The following ZEB1 variants were observed in gnomAD, a reference collection of about 807,000 sequenced individuals.
ZEB1 encodes the protein zinc finger E-box binding homeobox 1.
A neutral mutation model predicts 84.9 loss-of-function variants in ZEB1; 21 were observed. The ratio of observed to expected loss-of-function variants is 0.25; its 90% confidence interval spans 0.18 to 0.36. The LOEUF (loss-of-function observed/expected upper bound fraction) is 0.36. Ranked by LOEUF, ZEB1 falls within the 10% of genes least tolerant of loss-of-function variation. The pLI, the probability that ZEB1 is intolerant of heterozygous loss-of-function variation, is 1.00. For synonymous variants in ZEB1, 420 were observed against 471.1 expected, an observed-to-expected ratio of 0.89 and a Z score of 1.41; for missense variants, 1,104 against 1,330.2, an observed-to-expected ratio of 0.83 and a Z score of 2.65.
chr10:31,518,826 G>T (rs1412755250), intron 6 of ZEB1, among the ~76,000 whole-genome samples: 1 of 152,132 alleles, frequency 6.6e-6, no homozygotes, highest in Non-Finnish European at 1.5e-5. Flanking sequence ...CATTGAAAAG[G>T]AGGCTGTACT....
At chr10:31,326,018 A>AT (rs1194852269) in intron 1 of ZEB1, among the ~76,000 whole-genome samples, 1 of 145,660 alleles carries the variant, frequency 6.9e-6, no homozygotes, top group African/African-American at 2.6e-5. Context: ...TAGTTTGCTG[A>AT]TGAAAAAAAC....
intron 1 of ZEB1, among the ~76,000 whole-genome samples, chr10:31,414,465 T>A (rs1471201763): frequency 2.0e-5 from 3 of 152,244 alleles, no homozygotes; most frequent in East Asian, 1.9e-4. Context: ...GCATAACAAA[T>A]GCATCACTAT....
rs1423866851 is a variant in ZEB1, at chr10:31,523,930, T to C, written c.2605-3T>C. On this transcript the variant is annotated splice_region_variant and splice_polypyrimidine_tract_variant and intron_variant, in intron 7 of 8. Transcript: ENST00000424869. ...ACATTTTCTCACACCTTTCTCCCTC[T>C]AGGATGAAAGACAAGATACTAGCTC... is the stretch of plus-strand genomic sequence containing the variant. 13 of 1,613,490 alleles carry C rather than the reference T, an allele frequency of 8.1e-6. No individual in the cohort carries two copies. The highest frequency in any genetic ancestry group is 1.1e-5 in the Non-Finnish European group (13 of 1,179,566).
intron 3 of ZEB1, among the ~76,000 whole-genome samples, chr10:31,497,056 T>C (rs965067177): frequency 2.6e-4 from 39 of 152,134 alleles, no homozygotes; most frequent in Non-Finnish European, 1.5e-4. Context: ...GCATGAATAA[T>C]GTATTCAGAT....
intron 1 of ZEB1, among the ~76,000 whole-genome samples, chr10:31,448,879 C>G (rs941657443): frequency 6.6e-6 from 1 of 152,212 alleles, no homozygotes; most frequent in Admixed American, 6.5e-5. Context: ...TGTCTGTGCC[C>G]TGTCCCCAGA....
chr10:31,397,077 A>G (rs529427188), intron 1 of ZEB1, among the ~76,000 whole-genome samples: 229 of 148,072 alleles, frequency 1.5e-3, no homozygotes, highest in African/African-American at 4.7e-3. Context: ...GTGCAGTGGC[A>G]TGATCTCGGC....
intron 5 of ZEB1, among the ~76,000 whole-genome samples, chr10:31,514,137 C>T (rs1468281965): frequency 2.0e-5 from 3 of 151,966 alleles, no homozygotes; most frequent in Non-Finnish European, 4.4e-5. Flanking sequence ...GGATAAAGTA[C>T]AGGAAAAATC....
At position 31,521,514 on chromosome 10, in the gene ZEB1, CAAG is replaced by C. The variant is rs753758915; in HGVS notation, c.2187_2189del (p.Glu730del). The C allele has an allele frequency of 6.2e-6, 10 of 1,614,072 alleles. No homozygotes were observed. In the South Asian group the frequency reaches 9.9e-5, roughly 16 times the overall value. ...TTACTTGTACACAGCTGAGGGTGCACAAGAAGAGCCACAAGTAGAACCTCTTGA... is the reference window on the plus strand; with the variant it reads ...TTACTTGTACACAGCTGAGGGTGCACAAGAGCCACAAGTAGAACCTCTTGA... On this transcript the variant is annotated inframe_deletion, in exon 7 of 9. Coordinates refer to ENST00000424869, the MANE Select transcript of ZEB1 (RefSeq NM_001174096.2).
chr10:31,343,162 T>C (rs1590119947), intron 1 of ZEB1, among the ~76,000 whole-genome samples: 1 of 152,310 alleles, frequency 6.6e-6, no homozygotes, highest in Non-Finnish European at 1.5e-5. Flanking sequence ...TTTTGTTTCA[T>C]GAAGCTCTTG....
chr10:31,521,385 A>G lies in ZEB1; in HGVS notation c.2053A>G (p.Thr685Ala), dbSNP rs2072329075. 1.2e-6 allele frequency: 2 copies of G among 1,613,996 alleles called. No homozygotes were observed. Among genetic ancestry groups the G allele is most frequent in the African/African-American group, 2.7e-5 (2 of 74,932 alleles). Reference protein sequence around the residue: ...TVNLQSPLKMTNSPVLPVGST... With the variant: ...TVNLQSPLKMANSPVLPVGST... ...AAATCTACAAAGTCCTTTGAAGATG[A>G]CTAACTCCCCAGTTTTACCAGTGGG... The change falls in exon 7 of 9, where the codon ACT becomes GCT. Residue 685 changes from threonine to alanine, a missense_variant. Around this residue, in one of 7 missense-constraint regions of ZEB1, gnomAD observed 531 missense variants for 575.2 expected, o/e 0.92. Coordinates refer to ENST00000424869, the MANE Select transcript of ZEB1 (RefSeq NM_001174096.2).
chr10:31,381,046 A>G (rs2047537396), intron 1 of ZEB1, among the ~76,000 whole-genome samples: 1 of 152,204 alleles, frequency 6.6e-6, no homozygotes, highest in Non-Finnish European at 1.5e-5. Flanking sequence ...GCTGAACAGT[A>G]TCATCTAACC....
upstream of ZEB1, chr10:31,319,062 T>G: frequency 3.2e-6 from 2 of 629,036 alleles, no homozygotes; most frequent in Non-Finnish European, 5.9e-6. Flanking sequence ...AGCAACAAGG[T>G]TCCGGCCGTA....
intron 1 of ZEB1, among the ~76,000 whole-genome samples, chr10:31,449,166 A>G (rs1303285609): frequency 6.6e-6 from 1 of 152,112 alleles, no homozygotes; most frequent in Non-Finnish European, 1.5e-5. Flanking sequence ...GGTGGGAGTG[A>G]CCCGATTTTC....
chr10:31,372,258 C>G (rs985629439), intron 1 of ZEB1, among the ~76,000 whole-genome samples: 3 of 151,948 alleles, frequency 2.0e-5, no homozygotes, highest in Non-Finnish European at 4.4e-5. Context: ...TTGTCAATAA[C>G]TATTGAAATG....
chr10:31,374,714 C>T (rs1051376579), intron 1 of ZEB1: 5 of 151,706 alleles, frequency 3.3e-5, no homozygotes, highest in Non-Finnish European at 7.4e-5. Context: ...AAAGTTAATT[C>T]TATTAATATC....
In ZEB1 at chr10:31,413,354, C is replaced by A. The variant is rs1371397257; in HGVS notation, c.59-47683C>A. On this transcript the variant is annotated intron_variant, in intron 1 of 8. Transcript: ENST00000424869. ...AGTCTAGCAAAAAATGCATTTTTTT[C>A]TTTAGCCTAGGGAAACTTTTCACAG... Among the ~76,000 whole-genome samples the A allele has an allele frequency of 2.6e-5, 4 of 152,118 alleles. 1 individual carries two copies. The highest frequency in any genetic ancestry group is 2.0e-4 in the Admixed American group (3 of 15,282).
intron 1 of ZEB1, chr10:31,363,562 T>C: frequency 6.5e-7 from 1 of 1,527,742 alleles, no homozygotes; most frequent in African/African-American, 1.4e-5. Flanking sequence ...TACCTGGTCT[T>C]TCACCTCTGT....
intron 1 of ZEB1, among the ~76,000 whole-genome samples, chr10:31,418,069 A>G (rs1158249786): frequency 6.6e-6 from 1 of 151,974 alleles, no homozygotes; most frequent in African/African-American, 2.4e-5. Flanking sequence ...GTGCCTGATA[A>G]TCTCCTTCAG....
At chr10:31,454,117 A>G (rs1386121389) in intron 1 of ZEB1, among the ~76,000 whole-genome samples, 1 of 152,202 alleles carries the variant, frequency 6.6e-6, no homozygotes, top group Non-Finnish European at 1.5e-5. Context: ...ACACAAATCA[A>G]CAAACGTAAT....
Sources: allele counts gnomAD v4.1 joint callset (sites outside exome capture counted in the v4.1 genomes callset), GRCh38; gene constraint gnomAD v4.1.1; regional missense constraint gnomAD v4.1.1; transcripts MANE v1.5; gene names NCBI Gene and HGNC (gene_info 2026-07-23, HGNC 2026-07-21).